Variants in SLC16A1 observed in about 807,000 individuals in gnomAD.
SLC16A1 encodes monocarboxylate transporter 1.
SLC16A1 carries 11 observed loss-of-function variants against 32.2 expected under a neutral mutation model. The observed-to-expected ratio is 0.34, with a 90% CI of 0.21 to 0.56. The LOEUF (loss-of-function observed/expected upper bound fraction) is 0.56. Among genes scored for constraint, SLC16A1 ranks in the 20% least tolerant of loss-of-function variants. The pLI, the probability that SLC16A1 is intolerant of heterozygous loss-of-function variation, is 0.87. For synonymous variants in SLC16A1, 231 were observed against 226.8 expected, an observed-to-expected ratio of 1.02 and a Z score of -0.17; for missense variants, 435 against 615.0, an observed-to-expected ratio of 0.71 and a Z score of 3.10.
At chr1:112,921,204 A>G (rs1014876272) in intron 3 of SLC16A1, among the ~76,000 whole-genome samples, 1 of 152,298 alleles carries the variant, frequency 6.6e-6, no homozygotes, top group East Asian at 1.9e-4. Context: ...CTCACGTGTT[A>G]AACTGGCAAT....
At chr1:112,930,289 C>T (rs1649084491) in intron 1 of SLC16A1, among the ~76,000 whole-genome samples, 1 of 152,106 alleles carries the variant, frequency 6.6e-6, no homozygotes, top group African/African-American at 2.4e-5. Context: ...TTACGGGACA[C>T]CCAGTTGGTG....
intron 1 of SLC16A1, among the ~76,000 whole-genome samples, chr1:112,944,523 GAT>G (rs1315495867): frequency 6.6e-6 from 1 of 152,162 alleles, no homozygotes; most frequent in Non-Finnish European, 1.5e-5. Flanking sequence ...AAAATTAAAA[GAT>G]ATGTGTGAAT....
rs1648400611 is a variant in SLC16A1, at chr1:112,913,707, C to A, written c.*184G>T. On this transcript the variant is annotated 3_prime_UTR_variant, in exon 5 of 5. Coordinates refer to ENST00000369626, the MANE Select transcript of SLC16A1 (RefSeq NM_003051.4). ...CCCCCATCCTTTGCTACCAATCATT[C>A]CCTCCTCAAATTCAGGCTATTGGTA... 2 of 678,324 alleles carry A rather than the reference C, an allele frequency of 2.9e-6. No individual in the cohort carries two copies. Among genetic ancestry groups the A allele is most frequent in the African/African-American group, 1.8e-5 (1 of 56,192 alleles). The allele number at this position is 678,324 out of a possible 1,614,324, so 42.0% of individuals were successfully genotyped here.
chr1:112,934,047 A>G (rs1182410065), intron 1 of SLC16A1, among the ~76,000 whole-genome samples: 2 of 152,266 alleles, frequency 1.3e-5, no homozygotes, highest in Non-Finnish European at 2.9e-5. Context: ...AACATGGATG[A>G]ATTTTAAAAG....
chr1:112,928,534 T>C (rs903873509), intron 2 of SLC16A1, among the ~76,000 whole-genome samples: 7 of 152,052 alleles, frequency 4.6e-5, no homozygotes, highest in Non-Finnish European at 8.8e-5. Context: ...CTTTACAATA[T>C]GCCAAAAAAA....
Position 112,912,291 on chromosome 1 carries a change from T to G in SLC16A1, c.*1600A>C, listed in dbSNP as rs1358136773. ...ATTTAGCAAGGCCCAAAATGAAACC[T>G]GGTAATGAAAATGAAGACACAGCAA... is the stretch of plus-strand genomic sequence containing the variant. On this transcript the variant is annotated 3_prime_UTR_variant, in exon 5 of 5. Coordinates refer to ENST00000369626, the MANE Select transcript of SLC16A1 (RefSeq NM_003051.4). 6.6e-6 allele frequency: 1 copy of G among 152,226 alleles called. No individual in the cohort carries two copies. Among genetic ancestry groups the G allele is most frequent in the Admixed American group, 6.5e-5 (1 of 15,280 alleles). 9.4% of individuals were successfully genotyped at this position (152,226 alleles called of 1,614,324 possible). A position where few individuals can be genotyped will look rare whatever the true frequency, so the allele number is the denominator to read the frequency against.
intron 1 of SLC16A1, among the ~76,000 whole-genome samples, chr1:112,937,229 GTGATTAAACTT>G (rs1305049012): frequency 6.6e-6 from 1 of 152,170 alleles, no homozygotes; most frequent in Non-Finnish European, 1.5e-5. Context: ...CGTGCTGGAC[GTGATTAAACTT>G]TGAGTTTAGC....
intron 2 of SLC16A1, among the ~76,000 whole-genome samples, chr1:112,926,820 A>T (rs561437562): frequency 2.0e-5 from 3 of 152,000 alleles, no homozygotes; most frequent in Non-Finnish European, 2.9e-5. Flanking sequence ...CTGAGGCTAC[A>T]GTTAGTGGTG....
chr1:112,938,535 T>C (rs1307256255), intron 1 of SLC16A1, among the ~76,000 whole-genome samples: 5 of 152,236 alleles, frequency 3.3e-5, no homozygotes, highest in African/African-American at 1.2e-4. Flanking sequence ...AATTACGAAA[T>C]GCATAATTTT....
At chr1:112,934,516 A>C (rs1649233800) in intron 1 of SLC16A1, among the ~76,000 whole-genome samples, 1 of 152,244 alleles carries the variant, frequency 6.6e-6, no homozygotes, top group Non-Finnish European at 1.5e-5. Context: ...AGTAAATTTT[A>C]TTATGTCAAT....
chr1:112,940,806 G>T (rs1462373066), intron 1 of SLC16A1, among the ~76,000 whole-genome samples: 1 of 152,002 alleles, frequency 6.6e-6, no homozygotes, highest in Non-Finnish European at 1.5e-5. Flanking sequence ...TTTTTAGTCA[G>T]TTAAAAAAGA....
chr1:112,928,569 T>C (rs1649016041), intron 2 of SLC16A1, among the ~76,000 whole-genome samples: 1 of 152,150 alleles, frequency 6.6e-6, no homozygotes, highest in Non-Finnish European at 1.5e-5. Context: ...AATGGTAAAA[T>C]TTAAGTTTAG....
At chr1:112,925,060 A>C (rs866131758) in intron 2 of SLC16A1, among the ~76,000 whole-genome samples, 9 of 152,258 alleles carry the variant, frequency 5.9e-5, no homozygotes, top group Non-Finnish European at 1.3e-4. Flanking sequence ...AGTATTATCC[A>C]AGAAAACCAG....
chr1:112,912,857 C>G lies in SLC16A1; in HGVS notation c.*1034G>C, dbSNP rs1202485238. ...ACACCAAACACACACATATCTCACA[C>G]ATAGCACTAAGCTAGAAGCAGATAT... On this transcript the variant is annotated 3_prime_UTR_variant, in exon 5 of 5. Coordinates refer to ENST00000369626, the MANE Select transcript of SLC16A1 (RefSeq NM_003051.4). The G allele has an allele frequency of 1.3e-5, 2 of 149,852 alleles. No individual in the cohort carries two copies. Among genetic ancestry groups the G allele is most frequent in the East Asian group, 3.9e-4 (2 of 5,154 alleles). The allele number at this position is 149,852 out of a possible 1,614,324, so 9.3% of individuals were successfully genotyped here.
intron 3 of SLC16A1, among the ~76,000 whole-genome samples, chr1:112,921,049 G>A (rs543685422): frequency 6.6e-6 from 1 of 151,724 alleles, no homozygotes; most frequent in East Asian, 1.9e-4. Flanking sequence ...GCTGAGGCAG[G>A]AGAATGACGT....
chr1:112,936,216 T>TA (rs1553210450), intron 1 of SLC16A1, among the ~76,000 whole-genome samples: 22 of 21,322 alleles, frequency 1.0e-3, no homozygotes, highest in African/African-American at 2.8e-3. Flanking sequence ...AATTCTAACT[T>TA]AGAGAAGGCA....
At chr1:112,941,975 C>T (rs1273982820) in intron 1 of SLC16A1, among the ~76,000 whole-genome samples, 3 of 151,924 alleles carry the variant, frequency 2.0e-5, no homozygotes, top group Non-Finnish European at 4.4e-5. Context: ...AAGTATGACC[C>T]CCTTTTTTTT....
chr1:112,946,184 CCA>C (rs1414372872), intron 1 of SLC16A1, among the ~76,000 whole-genome samples: 2 of 152,104 alleles, frequency 1.3e-5, no homozygotes, highest in Non-Finnish European at 2.9e-5. Flanking sequence ...CTTCTTCCTA[CCA>C]CAGTGTAACA....
In SLC16A1 at chr1:112,914,093, C is replaced by T; in HGVS notation, c.1301G>A (p.Gly434Asp). 1.2e-6 allele frequency: 2 copies of T among 1,614,144 alleles called. No individual in the cohort carries two copies. Among genetic ancestry groups the T allele is most frequent in the Admixed American group, 1.7e-5 (1 of 60,010 alleles). The part of the protein sequence containing the change: ...WACGVVLIIS[G>D]IYLFIGMGIN... ...GCCCATGCCAATGAAGAGATAGATA[C>T]CTGAAATAATTAGGACGACGCCACA... Residue 434 changes from glycine to aspartate, a missense_variant, in exon 5 of 5, where the codon GGT becomes GAT. By Grantham distance (94) the Gly-to-Asp change is moderately conservative. Coordinates refer to ENST00000369626, the MANE Select transcript of SLC16A1 (RefSeq NM_003051.4).
Sources: allele counts gnomAD v4.1 joint callset (sites outside exome capture counted in the v4.1 genomes callset), GRCh38; gene constraint gnomAD v4.1.1; transcripts MANE v1.5; gene names NCBI Gene and HGNC (gene_info 2026-07-23, HGNC 2026-07-21).